The following LRRC4C variants were observed in gnomAD, a reference collection of about 807,000 sequenced individuals.
LRRC4C encodes the protein leucine rich repeat containing 4C.
LRRC4C carries 5 observed loss-of-function variants against 33.6 expected under a neutral mutation model. The ratio of observed to expected loss-of-function variants is 0.15; its 90% CI spans 0.08 to 0.31. LRRC4C has a LOEUF of 0.31. LRRC4C is among the 10% of genes least tolerant of loss of function. The probability of loss-of-function intolerance (pLI) is 1.00; values close to 1 mark genes in which losing one functional copy is unlikely to be tolerated. For missense variants in LRRC4C, 560 were observed against 796.7 expected (o/e 0.70, Z 3.58); for synonymous variants, 329 against 302.0 (o/e 1.09, Z -0.93).
At chr11:41,442,010 G>A (rs1416433821) in intron 1 of LRRC4C, among the ~76,000 whole-genome samples, 1 of 152,050 alleles carries the variant, frequency 6.6e-6, no homozygotes, top group Non-Finnish European at 1.5e-5. Flanking sequence ...ATTTACATAT[G>A]CATTAATATT....
At chr11:40,996,885 G>T (rs1172987067) in intron 1 of LRRC4C, among the ~76,000 whole-genome samples, 2 of 152,054 alleles carry the variant, frequency 1.3e-5, no homozygotes, top group African/African-American at 4.8e-5. Flanking sequence ...ATTCATGAGG[G>T]ATCCGTCCCC....
chr11:40,222,356 G>A (rs1360699437), intron 5 of LRRC4C, among the ~76,000 whole-genome samples: 2 of 152,026 alleles, frequency 1.3e-5, no homozygotes, highest in Non-Finnish European at 2.9e-5. Context: ...TAATGCCCTG[G>A]CACATTAAAA....
chr11:41,045,242 G>A (rs533669064), intron 1 of LRRC4C, among the ~76,000 whole-genome samples: 121 of 152,014 alleles, frequency 8.0e-4, no homozygotes, highest in Non-Finnish European at 1.3e-3. Flanking sequence ...TTGTTGGTGA[G>A]GAAACTGAGA....
intron 2 of LRRC4C, among the ~76,000 whole-genome samples, chr11:40,799,853 A>G (rs1053655346): frequency 6.6e-6 from 1 of 152,240 alleles, no homozygotes; most frequent in African/African-American, 2.4e-5. Flanking sequence ...AAAGATGACA[A>G]GTCCTGCACA....
chr11:41,244,249 A>G (rs1246074532), intron 1 of LRRC4C, among the ~76,000 whole-genome samples: 1 of 151,558 alleles, frequency 6.6e-6, no homozygotes, highest in Non-Finnish European at 1.5e-5. Context: ...GGCAGGAAAA[A>G]CAAAGAAAGG....
rs369184822 is a variant in LRRC4C at position 41,040,174 on chromosome 11, T to G, written c.-495-106451A>C. ...AAAAAAAAAGTATGACTTGAACTGG[T>G]TTAGGGGATGTACATGGGGGTTGAT... On this transcript the variant is annotated intron_variant, in intron 1 of 6. Coordinates refer to ENST00000528697, the MANE Select transcript of LRRC4C (RefSeq NM_001258419.2). Among the ~76,000 whole-genome samples the G allele has an allele frequency of 3.8e-4, 56 of 147,752 alleles. 2 individuals are homozygous for G. Among genetic ancestry groups the G allele is most frequent in the African/African-American group, 1.3e-3 (53 of 40,130 alleles).
chr11:40,680,220 T>C (rs1006766447), intron 2 of LRRC4C, among the ~76,000 whole-genome samples: 4 of 152,204 alleles, frequency 2.6e-5, no homozygotes, highest in African/African-American at 9.6e-5. Flanking sequence ...AATACCTGTG[T>C]CCCCATTGTA....
At chr11:40,189,462 T>G (rs1861658955) in intron 5 of LRRC4C, among the ~76,000 whole-genome samples, 1 of 152,176 alleles carries the variant, frequency 6.6e-6, no homozygotes, top group African/African-American at 2.4e-5. Context: ...ATACAGCTAT[T>G]CCGTGGGCCT....
At chr11:40,530,231 A>G (rs762683088) in intron 3 of LRRC4C, among the ~76,000 whole-genome samples, 7 of 152,082 alleles carry the variant, frequency 4.6e-5, no homozygotes, top group Admixed American at 1.3e-4. Flanking sequence ...ATAAAATATA[A>G]TTTAAATATA....
At chr11:40,414,414 T>A (rs1341211639) in intron 3 of LRRC4C, among the ~76,000 whole-genome samples, 1 of 152,114 alleles carries the variant, frequency 6.6e-6, no homozygotes, top group African/African-American at 2.4e-5. Context: ...ACCCATCAGT[T>A]CAGGGAGGGA....
At position 40,835,743 on chromosome 11, in the gene LRRC4C, A is replaced by C. The variant is rs547197948; in HGVS notation, c.-407+97892T>G. Among the ~76,000 whole-genome samples, 12 of 152,308 alleles carry C rather than the reference A, an allele frequency of 7.9e-5. No individual in the cohort carries two copies. In the South Asian group the frequency reaches 1.2e-3, roughly 16 times the overall value. ...AGATTATATGGTCGTATATTTACAA[A>C]ACACCAAATAATTTACTAACATTTT... On this transcript the variant is annotated intron_variant, in intron 2 of 6. Transcript: ENST00000528697.
chr11:41,458,060 G>T (rs939839491), intron 1 of LRRC4C, among the ~76,000 whole-genome samples: 2 of 152,046 alleles, frequency 1.3e-5, no homozygotes, highest in South Asian at 2.1e-4. Flanking sequence ...CTCAACTTGG[G>T]TGCTCTCATA....
chr11:40,720,569 C>T (rs1486333688), intron 2 of LRRC4C, among the ~76,000 whole-genome samples: 1 of 152,150 alleles, frequency 6.6e-6, no homozygotes, highest in African/African-American at 2.4e-5. Flanking sequence ...GGGATTCAGA[C>T]AAGGGACAGA....
intron 1 of LRRC4C, among the ~76,000 whole-genome samples, chr11:41,385,197 T>C (rs1565630757): frequency 6.6e-6 from 1 of 151,274 alleles, no homozygotes; most frequent in Non-Finnish European, 1.5e-5. Flanking sequence ...CAGTAACTGA[T>C]AGATCAAGCA....
chr11:41,093,897 C>T (rs1365313500), intron 1 of LRRC4C, among the ~76,000 whole-genome samples: 4 of 135,262 alleles, frequency 3.0e-5, no homozygotes, highest in Admixed American at 1.7e-4. Context: ...CGAGACCATC[C>T]TGGCTAACAT....
At chr11:40,543,544 G>A (rs1956804735) in intron 3 of LRRC4C, among the ~76,000 whole-genome samples, 1 of 151,998 alleles carries the variant, frequency 6.6e-6, no homozygotes, top group Admixed American at 6.6e-5. Flanking sequence ...AATATTCACC[G>A]AGCCTGAATA....
intron 4 of LRRC4C, among the ~76,000 whole-genome samples, chr11:40,289,090 T>C (rs755446533): frequency 5.9e-5 from 9 of 152,200 alleles, no homozygotes; most frequent in Non-Finnish European, 1.2e-4. Flanking sequence ...TCTAAAATAA[T>C]ATATTGAGCC....
intron 5 of LRRC4C, among the ~76,000 whole-genome samples, chr11:40,177,186 T>C (rs1860575097): frequency 1.3e-5 from 2 of 151,916 alleles, no homozygotes; most frequent in Admixed American, 6.6e-5. Context: ...ATCTCCTGAC[T>C]TCGTAATCTG....
intron 4 of LRRC4C, among the ~76,000 whole-genome samples, chr11:40,282,132 T>C (rs1021491503): frequency 6.6e-6 from 1 of 152,146 alleles, no homozygotes; most frequent in Admixed American, 6.5e-5. Context: ...GTGGATCACC[T>C]GAAGACGGGA....
Sources: gnomAD v4.1 joint callset for allele counts (sites outside exome capture counted in the v4.1 genomes callset) on GRCh38, gnomAD v4.1.1 for gene constraint, MANE v1.5 for transcripts, NCBI Gene and HGNC (gene_info 2026-07-23, HGNC 2026-07-21) for gene names.